UNC13C: variants seen among roughly 807,000 people sequenced by gnomAD.
UNC13C encodes the protein unc-13 homolog C, also known as protein unc-13 homolog C.
Under a neutral mutation model 245.4 loss-of-function variants are expected in UNC13C, and 174 were observed. The ratio of observed to expected loss-of-function variants is 0.71; its 90% CI spans 0.63 to 0.80. The LOEUF (loss-of-function observed/expected upper bound fraction) is 0.80, where lower values mean the gene tolerates loss of function less well. Among genes scored for constraint, UNC13C ranks in the 30% least tolerant of loss-of-function variants. UNC13C has a pLI of 0.00. For synonymous variants in UNC13C, 992 were observed against 895.1 expected, an observed-to-expected ratio of 1.11 and a Z score of -1.93; for missense variants, 2,829 against 2,602.9, an observed-to-expected ratio of 1.09 and a Z score of -1.89.
At chr15:54,304,355 AATAATGTGGTAG>A (rs2037667548) in intron 13 of UNC13C, among the ~76,000 whole-genome samples, 1 of 152,132 alleles carries the variant, frequency 6.6e-6, no homozygotes, top group Admixed American at 6.6e-5. Context: ...CTTCAGTGAC[AATAATGTGGTAG>A]ATTATGTGTA....
intron 4 of UNC13C, among the ~76,000 whole-genome samples, chr15:54,149,120 T>C (rs924324646): frequency 1.3e-5 from 2 of 152,142 alleles, no homozygotes; most frequent in Non-Finnish European, 2.9e-5. Flanking sequence ...GCTCTCTGTC[T>C]CCTGCTGCCA....
intron 8 of UNC13C, among the ~76,000 whole-genome samples, chr15:54,257,156 A>G (rs893622633): frequency 2.0e-5 from 3 of 152,236 alleles, no homozygotes; most frequent in Non-Finnish European, 4.4e-5. Flanking sequence ...TTTGAAAAGT[A>G]TATGAAGAAA....
intron 2 of UNC13C, among the ~76,000 whole-genome samples, chr15:54,115,517 T>A (rs2030178442): frequency 6.6e-6 from 1 of 152,094 alleles, no homozygotes; most frequent in African/African-American, 2.4e-5. Flanking sequence ...TGATACATAA[T>A]CGAGGTACAT....
intron 17 of UNC13C, among the ~76,000 whole-genome samples, chr15:54,368,457 C>T (rs941631542): frequency 6.6e-6 from 1 of 151,786 alleles, no homozygotes; most frequent in South Asian, 2.1e-4. Context: ...GGTAGAAATG[C>T]CAAGTGTTAG....
At chr15:53,853,367 T>C in the UNC13C span, among the ~76,000 whole-genome samples, 1 of 152,220 alleles carries the variant, frequency 6.6e-6, no homozygotes, top group African/African-American at 2.4e-5. Flanking sequence ...TATTCCATGA[T>C]GTATATGCAC....
At chr15:54,591,440 G>T (rs373770306) in intron 30 of UNC13C, among the ~76,000 whole-genome samples, 2 of 151,830 alleles carry the variant, frequency 1.3e-5, no homozygotes, top group African/African-American at 4.8e-5. Flanking sequence ...TGTTGGTAAC[G>T]TTCTAATTAT....
intron 30 of UNC13C, among the ~76,000 whole-genome samples, chr15:54,569,000 T>C (rs1401531779): frequency 6.6e-6 from 1 of 152,176 alleles, no homozygotes; most frequent in East Asian, 1.9e-4. Flanking sequence ...GTCGAGCTCA[T>C]GAGAGATTGT....
chr15:54,450,211 G>A (rs187789967), intron 19 of UNC13C, among the ~76,000 whole-genome samples: 53 of 152,320 alleles, frequency 3.5e-4, no homozygotes, highest in Admixed American at 2.5e-3. Context: ...TAGGCTACTC[G>A]GGGGTCGGGG....
At chr15:54,147,840 A>C (rs1025352610) in intron 4 of UNC13C, among the ~76,000 whole-genome samples, 4 of 133,726 alleles carry the variant, frequency 3.0e-5, no homozygotes, top group African/African-American at 1.0e-4. Flanking sequence ...TAAGCACCAG[A>C]CTTGCATGCA....
intron 13 of UNC13C, among the ~76,000 whole-genome samples, chr15:54,316,543 C>T (rs1427245402): frequency 6.6e-6 from 1 of 151,850 alleles, no homozygotes; most frequent in Admixed American, 6.6e-5. Context: ...ATGCCTTTTT[C>T]ATAATTTTTG....
the UNC13C span, among the ~76,000 whole-genome samples, chr15:53,864,069 C>T: frequency 6.6e-6 from 1 of 152,106 alleles, no homozygotes; most frequent in South Asian, 2.1e-4. Flanking sequence ...GCTTTCTATG[C>T]CTTGTTTTAC....
intron 10 of UNC13C, among the ~76,000 whole-genome samples, chr15:54,289,060 G>A (rs1045057036): frequency 6.6e-6 from 1 of 152,076 alleles, no homozygotes; most frequent in Non-Finnish European, 1.5e-5. Flanking sequence ...GCACTTAGAA[G>A]CCTCTGCTTG....
chr15:54,230,712 T>TGAAAATCAAAAGAAAACCACG (rs1445310965), intron 4 of UNC13C, among the ~76,000 whole-genome samples: 1 of 152,002 alleles, frequency 6.6e-6, no homozygotes, highest in African/African-American at 2.4e-5. Flanking sequence ...AGAAAACCAC[T>TGAAAATCAAAAGAAAACCACG]GAAAATATTT....
chr15:53,873,319 C>T, the UNC13C span, among the ~76,000 whole-genome samples: 6 of 152,094 alleles, frequency 3.9e-5, no homozygotes, highest in Non-Finnish European at 7.4e-5. Flanking sequence ...GAACCTACCT[C>T]TTCTCATCCT....
chr15:54,031,397 G>C (rs1479763382), intron 2 of UNC13C, among the ~76,000 whole-genome samples: 4 of 152,128 alleles, frequency 2.6e-5, no homozygotes. Context: ...CTAATTTTTT[G>C]TATTTTTAGT....
intron 1 of UNC13C, among the ~76,000 whole-genome samples, chr15:53,983,762 C>A (rs1301505570): frequency 6.6e-6 from 1 of 151,858 alleles, no homozygotes; most frequent in African/African-American, 2.4e-5. Flanking sequence ...TCTGTTACCT[C>A]TTTGACAGGA....
chr15:54,554,305 A>G (rs1203496097), intron 28 of UNC13C, among the ~76,000 whole-genome samples: 1 of 152,004 alleles, frequency 6.6e-6, no homozygotes, highest in African/African-American at 2.4e-5. Context: ...CCAAAATAGA[A>G]GGACAAGCCA....
At chr15:53,878,946 C>CT in the UNC13C span, among the ~76,000 whole-genome samples, 1 of 152,110 alleles carries the variant, frequency 6.6e-6, no homozygotes, top group Non-Finnish European at 1.5e-5. Flanking sequence ...CTCTTTGACT[C>CT]TAACTTTAAA....
At chr15:54,115,526 A>G (rs1026698925) in intron 2 of UNC13C, among the ~76,000 whole-genome samples, 1 of 152,068 alleles carries the variant, frequency 6.6e-6, no homozygotes, top group Non-Finnish European at 1.5e-5. Flanking sequence ...ATCGAGGTAC[A>G]TATTTTGGGG....
Sources: allele counts gnomAD v4.1 joint callset (sites outside exome capture counted in the v4.1 genomes callset), GRCh38; gene constraint gnomAD v4.1.1; transcripts MANE v1.5; gene names NCBI Gene and HGNC (gene_info 2026-07-23, HGNC 2026-07-21).